The following CACNA2D1 variants were observed in gnomAD, a reference collection of about 807,000 sequenced individuals.
CACNA2D1 encodes calcium voltage-gated channel auxiliary subunit alpha2delta 1.
A neutral mutation model predicts 171.5 loss-of-function variants in CACNA2D1; 53 were observed. That is an observed-to-expected ratio of 0.31 (90% confidence interval 0.25 to 0.39). The LOEUF (loss-of-function observed/expected upper bound fraction) is 0.39. Among genes scored for constraint, CACNA2D1 ranks in the 10% least tolerant of loss-of-function variants. The pLI, the probability that CACNA2D1 is intolerant of heterozygous loss-of-function variation, is 1.00. For missense variants in CACNA2D1, 903 were observed against 1,299.8 expected, an observed-to-expected ratio of 0.69 and a Z score of 4.69; for synonymous variants, 442 against 443.1, an observed-to-expected ratio of 1.00 and a Z score of 0.03.
At chr7:82,388,325 G>T (rs1033353511) in intron 1 of CACNA2D1, among the ~76,000 whole-genome samples, 2 of 152,154 alleles carry the variant, frequency 1.3e-5, no homozygotes, top group Non-Finnish European at 2.9e-5. Flanking sequence ...GCAGCTAAAT[G>T]GACATGTGAC....
chr7:82,443,588 G>T lies in CACNA2D1; in HGVS notation c.-129C>A. The T allele has an allele frequency of 7.0e-7, 1 of 1,425,732 alleles. No individual in the cohort carries two copies. The highest frequency in any genetic ancestry group is 1.5e-5 in the African/African-American group (1 of 66,396). 88.3% of individuals were successfully genotyped at this position (1,425,732 alleles called of 1,614,324 possible). On this transcript the variant is annotated 5_prime_UTR_variant, in exon 1 of 39. Coordinates refer to ENST00000356860, the MANE Select transcript of CACNA2D1 (RefSeq NM_000722.4). ...GGCGTCTGGAGGGCTGGCTGCGCCCGGGGCCCGAGGCGCGGAGCCGCGCGG... is the reference window on the plus strand; with the variant it reads ...GGCGTCTGGAGGGCTGGCTGCGCCCTGGGCCCGAGGCGCGGAGCCGCGCGG...
At chr7:82,443,831 G>A (rs892924264), upstream of CACNA2D1, 132 of 655,864 alleles carry the variant, frequency 2.0e-4, 1 homozygote, top group East Asian at 4.4e-3. Flanking sequence ...GGCGAAGGCG[G>A]AGGCGGGGGC....
chr7:82,255,363 G>A (rs966646281), intron 3 of CACNA2D1, among the ~76,000 whole-genome samples: 1 of 152,156 alleles, frequency 6.6e-6, no homozygotes, highest in African/African-American at 2.4e-5. Flanking sequence ...CAAGCAACAT[G>A]TCTGTCTGTT....
In CACNA2D1 at chr7:82,341,935, T is replaced by A. The variant is rs181832053; in HGVS notation, c.178-6684A>T. Among the ~76,000 whole-genome samples the A allele has an allele frequency of 4.2e-3, 632 of 151,486 alleles. 3 individuals carry two copies. The highest frequency in any genetic ancestry group is 0.015 in the African/African-American group (614 of 41,258). ...CAGGCGTGGTGGCAGGCACCTGTAGTCCCAGCTATCTGGGAGGCTGAGGCA... is the reference window on the plus strand; with the variant it reads ...CAGGCGTGGTGGCAGGCACCTGTAGACCCAGCTATCTGGGAGGCTGAGGCA... On this transcript the variant is annotated intron_variant, in intron 2 of 38. Coordinates refer to ENST00000356860, the MANE Select transcript of CACNA2D1 (RefSeq NM_000722.4).
At chr7:82,367,795 A>C (rs1425015623) in intron 1 of CACNA2D1, among the ~76,000 whole-genome samples, 1 of 152,208 alleles carries the variant, frequency 6.6e-6, no homozygotes, top group Admixed American at 6.5e-5. Flanking sequence ...TTTTAATCCA[A>C]TAATTTCTCT....
chr7:82,286,675 A>G (rs531792355), intron 3 of CACNA2D1, among the ~76,000 whole-genome samples: 8 of 152,292 alleles, frequency 5.3e-5, no homozygotes, highest in Admixed American at 3.9e-4. Context: ...GGCAGATTAG[A>G]TCATGTCTCA....
At chr7:82,212,619 G>A (rs1585113485) in intron 3 of CACNA2D1, among the ~76,000 whole-genome samples, 1 of 152,178 alleles carries the variant, frequency 6.6e-6, no homozygotes, top group Admixed American at 6.5e-5. Context: ...GAGCAGATAT[G>A]GATGCATTTT....
intron 6 of CACNA2D1, among the ~76,000 whole-genome samples, chr7:82,106,928 C>G (rs1787829650): frequency 6.6e-6 from 1 of 152,172 alleles, no homozygotes; most frequent in South Asian, 2.1e-4. Context: ...ACCATATATG[C>G]TGACATAGAT....
At chr7:82,002,331 C>T (rs1013819190) in intron 18 of CACNA2D1, among the ~76,000 whole-genome samples, 3 of 152,124 alleles carry the variant, frequency 2.0e-5, no homozygotes, top group African/African-American at 7.2e-5. Context: ...TACAGAACAC[C>T]AATCTGTCCA....
intron 1 of CACNA2D1, among the ~76,000 whole-genome samples, chr7:82,359,806 T>C (rs1820879934): frequency 6.6e-6 from 1 of 152,212 alleles, no homozygotes; most frequent in Non-Finnish European, 1.5e-5. Context: ...GCTTATCATG[T>C]TCTGAAACTA....
At chr7:82,428,795 C>T (rs908612173) in intron 1 of CACNA2D1, among the ~76,000 whole-genome samples, 7 of 152,280 alleles carry the variant, frequency 4.6e-5, no homozygotes, top group African/African-American at 1.7e-4. Context: ...ATCACACAGG[C>T]TATACCAGAA....
chr7:82,278,564 A>T lies in CACNA2D1; in HGVS notation c.294+56571T>A, dbSNP rs1179052974. On this transcript the variant is annotated intron_variant, in intron 3 of 38. Coordinates refer to ENST00000356860, the MANE Select transcript of CACNA2D1 (RefSeq NM_000722.4). ...CAGAGTGAGACTCTGTCTTAAAAAAAAAAAAAAAAAAAAAAAATTACATAT... is the reference window on the plus strand; with the variant it reads ...CAGAGTGAGACTCTGTCTTAAAAAATAAAAAAAAAAAAAAAAATTACATAT... Among the ~76,000 whole-genome samples, 10 of 151,080 alleles carry T rather than the reference A, an allele frequency of 6.6e-5. No homozygotes were observed. In the East Asian group the frequency reaches 1.9e-3, roughly 29 times the overall value.
intron 1 of CACNA2D1, among the ~76,000 whole-genome samples, chr7:82,378,938 CGT>C (rs533854397): frequency 0.16 from 22,682 of 138,672 alleles, 1,821 homozygotes; most frequent in African/African-American, 0.19. Flanking sequence ...GGGGTTGACT[CGT>C]GTGTGTGTGT....
At chr7:82,088,082 T>G (rs1430014649) in intron 6 of CACNA2D1, among the ~76,000 whole-genome samples, 2 of 152,160 alleles carry the variant, frequency 1.3e-5, no homozygotes, top group Admixed American at 1.3e-4. Flanking sequence ...TTAGGAAGTT[T>G]TTTTTGTTTT....
chr7:82,118,731 AC>A (rs1263378853), intron 5 of CACNA2D1, among the ~76,000 whole-genome samples: 73 of 152,178 alleles, frequency 4.8e-4, no homozygotes, highest in African/African-American at 1.7e-3. Flanking sequence ...CTTTTAAATA[AC>A]CATATAAATG....
intron 3 of CACNA2D1, among the ~76,000 whole-genome samples, chr7:82,264,543 T>C (rs1025878484): frequency 9.2e-5 from 14 of 152,352 alleles, no homozygotes; most frequent in African/African-American, 3.4e-4. Context: ...CTGCTGTCTC[T>C]GACTAATCTG....
At chr7:82,113,116 G>GT (rs1263018096) in intron 6 of CACNA2D1, among the ~76,000 whole-genome samples, 3 of 152,068 alleles carry the variant, frequency 2.0e-5, no homozygotes, top group African/African-American at 7.2e-5. Context: ...AAGGACAAAA[G>GT]TATCTGGTCC....
intron 12 of CACNA2D1, among the ~76,000 whole-genome samples, chr7:82,031,801 A>G (rs946717010): frequency 6.6e-6 from 1 of 151,910 alleles, no homozygotes; most frequent in African/African-American, 2.4e-5. Context: ...GTGTTCCTCA[A>G]GCACATATAA....
At chr7:82,393,539 T>C (rs1825431096) in intron 1 of CACNA2D1, among the ~76,000 whole-genome samples, 1 of 152,216 alleles carries the variant, frequency 6.6e-6, no homozygotes, top group African/African-American at 2.4e-5. Context: ...ATAGCAGATA[T>C]AAAAGATGCA....
Sources: gnomAD v4.1 joint callset for allele counts (sites outside exome capture counted in the v4.1 genomes callset) on GRCh38, gnomAD v4.1.1 for gene constraint, MANE v1.5 for transcripts, NCBI Gene and HGNC (gene_info 2026-07-23, HGNC 2026-07-21) for gene names.